GGA3: variants seen among roughly 807,000 people sequenced by gnomAD.
GGA3 encodes the protein ADP-ribosylation factor-binding protein GGA3.
In GGA3, 57 loss-of-function variants were observed where a neutral mutation model predicts 77.5. That is an observed-to-expected ratio of 0.74 (90% confidence interval 0.59 to 0.92). GGA3 has a LOEUF of 0.92. Ranked by LOEUF, GGA3 falls within the 40% of genes least tolerant of loss-of-function variation. The pLI is 0.00. For synonymous variants in GGA3, 416 were observed against 383.7 expected, an observed-to-expected ratio of 1.08 and a Z score of -0.98; for missense variants, 970 against 914.9, an observed-to-expected ratio of 1.06 and a Z score of -0.78.
chr17:75,253,511 T>TG (rs1455719554), intron 1 of GGA3, among the ~76,000 whole-genome samples: 4 of 152,180 alleles, frequency 2.6e-5, no homozygotes, highest in Non-Finnish European at 4.4e-5. Context: ...CCTGCTTTTC[T>TG]GGGGGAGGGG....
At chr17:75,247,244 T>C (rs2145538532) in intron 1 of GGA3, among the ~76,000 whole-genome samples, 1 of 150,882 alleles carries the variant, frequency 6.6e-6, no homozygotes, top group East Asian at 1.9e-4. Context: ...GATAAAAAAA[T>C]ACATATTTGT....
At chr17:75,238,546 C>T (rs1237787684) in intron 16 of GGA3, 106 bp downstream of exon 16, 2 of 998,388 alleles carry the variant, frequency 2.0e-6, no homozygotes, top group South Asian at 2.9e-5. Flanking sequence ...AGGGATGTGT[C>T]AATCCTACAG....
Position 75,246,077 on chromosome 17 carries a change from G to A in GGA3, c.201+432C>T, listed in dbSNP as rs577507848. Among the ~76,000 whole-genome samples, 7 of 152,188 alleles carry A rather than the reference G, an allele frequency of 4.6e-5. No homozygotes were observed. The South Asian group carries it at 6.2e-4, about 13-fold the overall frequency. The stretch of plus-strand genomic sequence containing the variant: ...CCCTAGGGGCCTCAGCCATCAGTGC[G>A]ACACCTTCGCTAGTGACTGGCATTG... On this transcript the variant is annotated intron_variant, in intron 3 of 16. Transcript: ENST00000537686.
At chr17:75,245,726 C>G (rs1332703535) in intron 3 of GGA3, among the ~76,000 whole-genome samples, 1 of 152,096 alleles carries the variant, frequency 6.6e-6, no homozygotes, top group African/African-American at 2.4e-5. Context: ...TGTCTCACTA[C>G]GTTGCCTAGG....
At chr17:75,255,027 C>T (rs1292719325) in intron 1 of GGA3, among the ~76,000 whole-genome samples, 1 of 152,214 alleles carries the variant, frequency 6.6e-6, no homozygotes, top group Non-Finnish European at 1.5e-5. Context: ...CAGATCTTCT[C>T]GGCTTAACGG....
At chr17:75,240,228 G>A (rs2076494663) in intron 12 of GGA3, 114 bp downstream of exon 12, 7 of 1,126,146 alleles carry the variant, frequency 6.2e-6, no homozygotes, top group East Asian at 2.6e-5. Flanking sequence ...ATTGTTCCCC[G>A]CTGCAGCTGG....
chr17:75,239,809 CT>C lies in GGA3; in HGVS notation c.1562del (p.Gln521ArgfsTer3). On this transcript the variant is annotated frameshift_variant, in exon 13 of 17. Coordinates refer to ENST00000537686, the MANE Select transcript of GGA3 (RefSeq NM_138619.4). LOFTEE classifies it high-confidence loss of function. ...SALHHLDALD[Q>X]LLEEAKVTSG... is the part of the protein sequence containing the mutation. ...ATTACACTTTGGCCTCTTCTAGAAG[CT>C]GATCGAGGGCATCCAGGTGGTGCAG... The C allele has an allele frequency of 6.2e-7, 1 of 1,613,806 alleles. No homozygotes were observed. The highest frequency in any genetic ancestry group is 8.5e-7 in the Non-Finnish European group (1 of 1,180,040).
In GGA3 at chr17:75,238,822, G is replaced by A; in HGVS notation, c.1951-60C>T. ...TAGGTGCCCCCAGATGGAACCTGCAGTGCACACACACACTGCCACCTGCTG... is the reference window on the plus strand; with the variant it reads ...TAGGTGCCCCCAGATGGAACCTGCAATGCACACACACACTGCCACCTGCTG... On this transcript the variant is annotated intron_variant, in intron 15 of 16. Coordinates refer to ENST00000537686, the MANE Select transcript of GGA3 (RefSeq NM_138619.4). 5.1e-6 allele frequency: 8 copies of A among 1,565,484 alleles called. No individual in the cohort carries two copies. The South Asian group carries it at 5.7e-5, about 11-fold the overall frequency.
At chr17:75,249,939 C>A (rs1471454) in intron 1 of GGA3, among the ~76,000 whole-genome samples, 25,033 of 152,224 alleles carry the variant, frequency 0.16, 2,181 homozygotes, top group Middle Eastern at 0.25. Flanking sequence ...CTTTCTTCCA[C>A]CTTGATAGAC....
At position 75,240,890 on chromosome 17, in the gene GGA3, T is replaced by C; in HGVS notation, c.1114A>G (p.Ser372Gly). 6.2e-7 allele frequency: 1 copy of C among 1,613,594 alleles called. No individual in the cohort carries two copies. The highest frequency in any genetic ancestry group is 8.5e-7 in the Non-Finnish European group (1 of 1,179,810). ...GGCCCCAGGGTGGCCTCGGCCTGGCTAGAGGAGCGGCTCCGTGGAGGTCCT... is the reference window on the plus strand; with the variant it reads ...GGCCCCAGGGTGGCCTCGGCCTGGCCAGAGGAGCGGCTCCGTGGAGGTCCT... ...ASGPPRSRSS[S>G]QAEATLGPSS... The change falls in exon 11 of 17, where the codon AGC becomes GGC. Residue 372 changes from serine (S) to glycine (G), a missense_variant. Coordinates refer to ENST00000537686, the MANE Select transcript of GGA3 (RefSeq NM_138619.4).
At chr17:75,244,770 C>G (rs921814401) in intron 3 of GGA3, 53 bp from the exon 4 acceptor site, 22 of 1,180,474 alleles carry the variant, frequency 1.9e-5, no homozygotes, top group African/African-American at 3.0e-5. Flanking sequence ...GGGGCTGGAA[C>G]CTGGCACTGG....
At position 75,236,982 on chromosome 17, in the gene GGA3, T is replaced by G; in HGVS notation, c.*1297A>C. The G allele has an allele frequency of 5.7e-6, 1 of 175,376 alleles. No homozygotes were observed. Among genetic ancestry groups the G allele is most frequent in the Non-Finnish European group, 1.2e-5 (1 of 80,652 alleles). The allele number at this position is 175,376 out of a possible 1,614,324, so 10.9% of individuals were successfully genotyped here. On this transcript the variant is annotated 3_prime_UTR_variant, in exon 17 of 17. Coordinates refer to ENST00000537686, the MANE Select transcript of GGA3 (RefSeq NM_138619.4). The stretch of plus-strand genomic sequence containing the variant: ...AGGGGCAGGGAGGAACCAGGGAACA[T>G]GGTCTGTGCCACCTTCCTTTCCCCA...
intron 1 of GGA3, among the ~76,000 whole-genome samples, chr17:75,260,937 C>T (rs1288684886): frequency 6.6e-6 from 1 of 152,140 alleles, no homozygotes; most frequent in African/African-American, 2.4e-5. Context: ...GGGGGAATTC[C>T]CGACACCGAT....
chr17:75,244,398 T>C, intron 4 of GGA3: 1 of 507,216 alleles, frequency 2.0e-6, no homozygotes, highest in South Asian at 2.0e-5. Flanking sequence ...CACTACCACA[T>C]CACCTGTCAG....
In GGA3 at chr17:75,242,441, A is replaced by G; in HGVS notation, c.642T>C (p.Arg214=). The change falls in exon 8 of 17, where the codon CGT becomes CGC. Residue 214 remains arginine, a synonymous_variant. Transcript: ENST00000537686. ...TGTTAACTTCCTCTAACGTGTGCAG[A>G]CGCTTGGTCACCTTCTGGATCCGTG... ...DEARIQKVTK[R]LHTLEEVNNN... The G allele has an allele frequency of 6.2e-7, 1 of 1,614,136 alleles. No homozygotes were observed. The highest frequency in any genetic ancestry group is 8.5e-7 in the Non-Finnish European group (1 of 1,179,992).
chr17:75,248,943 G>A (rs891310133), intron 1 of GGA3: 2 of 985,100 alleles, frequency 2.0e-6, no homozygotes, highest in African/African-American at 3.5e-5. Flanking sequence ...AAGGCCCGTG[G>A]CACCCAGTGT....
At position 75,239,343 on chromosome 17, in the gene GGA3, C is replaced by T. The variant is rs200083845; in HGVS notation, c.1780+32G>A. The stretch of plus-strand genomic sequence containing the variant: ...ACAGCTCCGTGGCTATAGGCCCCAC[C>T]GCCCCACCCACCTCAATCCTCCAAC... On this transcript the variant is annotated intron_variant, in intron 14 of 16. Coordinates refer to ENST00000537686, the MANE Select transcript of GGA3 (RefSeq NM_138619.4). 5.1e-5 allele frequency: 77 copies of T among 1,496,520 alleles called. No individual in the cohort carries two copies. The East Asian group carries it at 7.1e-4, about 14-fold the overall frequency. The allele number at this position is 1,496,520 out of a possible 1,614,324, so 92.7% of individuals were successfully genotyped here.
At chr17:75,242,806 G>T (rs758886560) in intron 7 of GGA3, 25 bp downstream of exon 7, 62 of 1,568,182 alleles carry the variant, frequency 4.0e-5, no homozygotes, top group Non-Finnish European at 5.2e-5. Context: ...TCCACCCCGT[G>T]CCTGAAGGAC....
intron 1 of GGA3, among the ~76,000 whole-genome samples, chr17:75,253,251 C>CCACT (rs2077032783): frequency 6.6e-6 from 1 of 152,220 alleles, no homozygotes; most frequent in Non-Finnish European, 1.5e-5. Flanking sequence ...TATCCCTCAA[C>CCACT]CACTTTCTCC....
Sources: gnomAD v4.1 joint callset for allele counts (sites outside exome capture counted in the v4.1 genomes callset) on GRCh38, gnomAD v4.1.1 for gene constraint, MANE v1.5 for transcripts, NCBI Gene and HGNC (gene_info 2026-07-23, HGNC 2026-07-21) for gene names.